Variants in SNX13 observed in about 807,000 individuals in gnomAD.
SNX13 encodes the protein sorting nexin 13, also known as sorting nexin-13.
A neutral mutation model predicts 133.6 loss-of-function variants in SNX13; 45 were observed. The observed-to-expected ratio is 0.34, with a 90% CI of 0.27 to 0.43. The LOEUF is 0.43. SNX13 is among the 20% of genes least tolerant of loss of function. SNX13 has a pLI of 1.00. For synonymous variants in SNX13, 414 were observed against 373.9 expected (o/e 1.11, Z -1.24); for missense variants, 1,032 against 1,145.1 (o/e 0.90, Z 1.43).
At chr7:17,861,087 C>T (rs1198366387) in intron 9 of SNX13, among the ~76,000 whole-genome samples, 1 of 152,046 alleles carries the variant, frequency 6.6e-6, no homozygotes, top group Non-Finnish European at 1.5e-5. Flanking sequence ...ACAATCACAG[C>T]TCACTGCAGC....
chr7:17,806,531 C>G (rs1785314419), intron 20 of SNX13, among the ~76,000 whole-genome samples: 2 of 152,042 alleles, frequency 1.3e-5, no homozygotes, highest in African/African-American at 4.8e-5. Flanking sequence ...TTCTGACATT[C>G]TAAAGAGGTC....
chr7:17,909,715 A>T (rs142918496), intron 1 of SNX13, among the ~76,000 whole-genome samples: 1 of 152,160 alleles, frequency 6.6e-6, no homozygotes. Flanking sequence ...CCTGTCTGGC[A>T]GGTGTGGATG....
In SNX13 at chr7:17,850,842, T is replaced by A. The variant is rs781126214; in HGVS notation, c.960A>T (p.Leu320=). 2 of 1,596,144 alleles carry A rather than the reference T, an allele frequency of 1.3e-6. No individual in the cohort carries two copies. Among genetic ancestry groups the A allele is most frequent in the East Asian group, 2.2e-5 (1 of 44,474 alleles). Residue 320 remains leucine (L), a synonymous_variant, in exon 10 of 26, where the codon CTA becomes CTT. Transcript: ENST00000428135. ...ATTACTTACCATCACCAGCTGTATC[T>A]AGAGATCTAAGATACTGTAATTCTT... ...AAEELQYLRS[L]DTAGDDINTI...
At chr7:17,819,349 C>T (rs778862534) in intron 18 of SNX13, among the ~76,000 whole-genome samples, 3 of 151,992 alleles carry the variant, frequency 2.0e-5, no homozygotes, top group Non-Finnish European at 4.4e-5. Context: ...TCAAGTGATC[C>T]TCCCACCTCA....
intron 18 of SNX13, among the ~76,000 whole-genome samples, chr7:17,817,965 C>T (rs1258828518): frequency 6.6e-6 from 1 of 152,058 alleles, no homozygotes; most frequent in Non-Finnish European, 1.5e-5. Flanking sequence ...GATAAAGCCC[C>T]TAAAGAGATT....
intron 1 of SNX13, among the ~76,000 whole-genome samples, chr7:17,911,822 A>G (rs1799017340): frequency 6.6e-6 from 1 of 152,288 alleles, no homozygotes; most frequent in Admixed American, 6.5e-5. Flanking sequence ...TCAAAAATAA[A>G]TAAGTAGATT....
At chr7:17,857,512 C>A (rs936848289) in intron 9 of SNX13, among the ~76,000 whole-genome samples, 1 of 152,062 alleles carries the variant, frequency 6.6e-6, no homozygotes, top group African/African-American at 2.4e-5. Flanking sequence ...TGGCCAGGTG[C>A]GGTGGCTCAC....
At chr7:17,903,184 C>G (rs1210428136) in intron 1 of SNX13, among the ~76,000 whole-genome samples, 2 of 152,148 alleles carry the variant, frequency 1.3e-5, no homozygotes, top group Non-Finnish European at 2.9e-5. Context: ...TCATCTACTG[C>G]AATACTTCTC....
At chr7:17,867,465 G>T (rs1415664810) in intron 9 of SNX13, among the ~76,000 whole-genome samples, 1 of 152,034 alleles carries the variant, frequency 6.6e-6, no homozygotes, top group Admixed American at 6.6e-5. Flanking sequence ...AAAATTAGCG[G>T]GATGTGGTGG....
chr7:17,810,226 A>T (rs1056102295), intron 20 of SNX13, among the ~76,000 whole-genome samples: 3 of 152,188 alleles, frequency 2.0e-5, no homozygotes, highest in Non-Finnish European at 4.4e-5. Context: ...AGGACTAGCC[A>T]GACTAATAAA....
At chr7:17,902,618 T>C (rs1464458467) in intron 1 of SNX13, among the ~76,000 whole-genome samples, 2 of 152,230 alleles carry the variant, frequency 1.3e-5, no homozygotes, top group Non-Finnish European at 1.5e-5. Context: ...AATTTTCTTC[T>C]ATATAAGAAA....
At chr7:17,920,155 T>G (rs560897516) in intron 1 of SNX13, among the ~76,000 whole-genome samples, 2 of 152,178 alleles carry the variant, frequency 1.3e-5, no homozygotes, top group Non-Finnish European at 2.9e-5. Flanking sequence ...ATACGCAAAA[T>G]AGACTAATGT....
At chr7:17,906,600 G>A (rs926673173) in intron 1 of SNX13, among the ~76,000 whole-genome samples, 1 of 151,860 alleles carries the variant, frequency 6.6e-6, no homozygotes, top group Non-Finnish European at 1.5e-5. Flanking sequence ...AATCTGATAT[G>A]GCCAAAAGGT....
At chr7:17,807,997 G>C (rs1390416615) in intron 20 of SNX13, among the ~76,000 whole-genome samples, 1 of 152,112 alleles carries the variant, frequency 6.6e-6, no homozygotes, top group Non-Finnish European at 1.5e-5. Context: ...ACGAAGAAGA[G>C]GAAAAACCAG....
intron 9 of SNX13, among the ~76,000 whole-genome samples, chr7:17,867,809 G>A (rs1389240382): frequency 6.6e-6 from 1 of 151,964 alleles, no homozygotes; most frequent in Non-Finnish European, 1.5e-5. Context: ...ATTCCCAGAA[G>A]GTGGCCCATT....
chr7:17,867,062 T>TAG lies in SNX13; in HGVS notation c.837+1344_837+1345insCT, dbSNP rs567048407. On this transcript the variant is annotated intron_variant, in intron 9 of 25. Transcript: ENST00000428135. ...ATACAGATTGTCACAAATTTGATTATCACTTTAAAATAACTTCTTAGGAGT... is the reference window on the plus strand; with the variant it reads ...ATACAGATTGTCACAAATTTGATTATAGCACTTTAAAATAACTTCTTAGGAGT... 3.9e-5 allele frequency among the ~76,000 whole-genome samples: 6 copies of TAG among 152,322 alleles called. No individual in the cohort carries two copies. In the East Asian group the frequency reaches 9.6e-4, roughly 24 times the overall value.
rs1787288970 is a variant in SNX13 at position 17,821,626 on chromosome 7, C to T, written c.1728G>A (p.Lys576=). ...SDTGVCNDHG[K]TYALYAITVH... ...CAGTGATGGCATATAATGCATATGT[C>T]TTGCCATGATCATTACAAACGCCTG... The change falls in exon 18 of 26, where the codon AAG becomes AAA. Residue 576 remains lysine, a synonymous_variant. Transcript: ENST00000428135. The T allele has an allele frequency of 1.2e-6, 2 of 1,613,468 alleles. No homozygotes were observed. Among genetic ancestry groups the T allele is most frequent in the African/African-American group, 1.3e-5 (1 of 74,978 alleles).
intron 7 of SNX13, 100 bp downstream of exon 7, chr7:17,875,380 C>A: frequency 1.2e-6 from 1 of 823,368 alleles, no homozygotes; most frequent in Non-Finnish European, 1.9e-6. Flanking sequence ...ATGCTACCTG[C>A]CCTAAGTAAG....
At chr7:17,915,511 T>C (rs1408016036) in intron 1 of SNX13, among the ~76,000 whole-genome samples, 1 of 152,166 alleles carries the variant, frequency 6.6e-6, no homozygotes, top group African/African-American at 2.4e-5. Flanking sequence ...CTCCCCCATA[T>C]AAACACCACA....
Sources: gnomAD v4.1 joint callset for allele counts (sites outside exome capture counted in the v4.1 genomes callset) on GRCh38, gnomAD v4.1.1 for gene constraint, MANE v1.5 for transcripts, NCBI Gene and HGNC (gene_info 2026-07-23, HGNC 2026-07-21) for gene names.